Variants in BIRC5 observed in about 807,000 individuals in gnomAD.
BIRC5 encodes the protein baculoviral IAP repeat-containing protein 5.
BIRC5 carries 8 observed loss-of-function variants against 15.8 expected under a neutral mutation model. The observed-to-expected ratio is 0.51, with a 90% CI of 0.30 to 0.91. The LOEUF (loss-of-function observed/expected upper bound fraction) is 0.91, where lower values mean the gene tolerates loss of function less well. Among genes scored for constraint, BIRC5 ranks in the 40% least tolerant of loss-of-function variants. The pLI is 0.07. For synonymous variants in BIRC5, 56 were observed against 64.5 expected (o/e 0.87, Z 0.63); for missense variants, 163 against 178.6 (o/e 0.91, Z 0.50).
At chr17:78,215,095 A>AT in intron 2 of BIRC5, 1 of 284,314 alleles carries the variant, frequency 3.5e-6, no homozygotes, top group South Asian at 3.5e-5. Flanking sequence ...TTTTTTTGAG[A>AT]TTTTTTAAAA....
intron 3 of BIRC5, chr17:78,223,130 C>T (rs993580657): frequency 8.1e-6 from 7 of 867,684 alleles, no homozygotes; most frequent in Non-Finnish European, 1.2e-5. Flanking sequence ...TCGGTTTCCT[C>T]ACCTGTATAG....
At chr17:78,219,706 CAG>C (rs1421067432) in intron 3 of BIRC5, among the ~76,000 whole-genome samples, 1 of 152,202 alleles carries the variant, frequency 6.6e-6, no homozygotes, top group Non-Finnish European at 1.5e-5. Flanking sequence ...CCTCGTGGGT[CAG>C]AGTCTCTGTT....
chr17:78,223,062 G>T, intron 3 of BIRC5: 1 of 1,318,858 alleles, frequency 7.6e-7, no homozygotes, highest in Non-Finnish European at 1.0e-6. Flanking sequence ...GGGGTGCCCA[G>T]ACTAGCTGGG....
chr17:78,216,593 T>G (rs1599028511), intron 2 of BIRC5, 71 bp from the exon 3 acceptor site: 1 of 1,319,194 alleles, frequency 7.6e-7, no homozygotes. Context: ...CGTGGGGAGG[T>G]GGCCCGTGGG....
chr17:78,223,739 C>A lies in BIRC5; in HGVS notation c.*185C>A. ...GAAAGTGGCACCAGAGGTGCTTCTG[C>A]CTGTGCAGCGGGTGCTGCTGGTAAC... On this transcript the variant is annotated 3_prime_UTR_variant, in exon 4 of 4. Coordinates refer to ENST00000350051, the MANE Select transcript of BIRC5 (RefSeq NM_001168.3). 3 of 1,315,134 alleles carry A rather than the reference C, an allele frequency of 2.3e-6. No homozygotes were observed. Among genetic ancestry groups the A allele is most frequent in the Non-Finnish European group, 3.0e-6 (3 of 1,001,248 alleles). 81.5% of individuals were successfully genotyped at this position (1,315,134 alleles called of 1,614,324 possible). A position where few individuals can be genotyped will look rare whatever the true frequency, so the allele number is the denominator to read the frequency against.
At chr17:78,220,042 C>CA (rs2076504495) in intron 3 of BIRC5, among the ~76,000 whole-genome samples, 1 of 152,188 alleles carries the variant, frequency 6.6e-6, no homozygotes, top group African/African-American at 2.4e-5. Context: ...TGCTGGTGGA[C>CA]GCTGCGGGGT....
At position 78,223,669 on chromosome 17, in the gene BIRC5, A is replaced by G. The variant is rs1178792701; in HGVS notation, c.*115A>G. ...TAGCAATGTCTTAGGAAAGGAGATC[A>G]ACATTTTCAAATTAGATGTTTCAAC... On this transcript the variant is annotated 3_prime_UTR_variant, in exon 4 of 4. Transcript: ENST00000350051. 6.5e-7 allele frequency: 1 copy of G among 1,527,994 alleles called. No individual in the cohort carries two copies. Among genetic ancestry groups the G allele is most frequent in the African/African-American group, 1.4e-5 (1 of 71,962 alleles). The allele number at this position is 1,527,994 out of a possible 1,614,324, so 94.7% of individuals were successfully genotyped here.
chr17:78,215,309 C>T (rs938568879), intron 2 of BIRC5, among the ~76,000 whole-genome samples: 1 of 151,936 alleles, frequency 6.6e-6, no homozygotes, highest in Non-Finnish European at 1.5e-5. Context: ...CCCAGCTACT[C>T]GGGAGGCTAA....
intron 3 of BIRC5, among the ~76,000 whole-genome samples, chr17:78,220,243 A>G (rs1052439812): frequency 3.3e-5 from 5 of 152,156 alleles, no homozygotes; most frequent in African/African-American, 9.7e-5. Flanking sequence ...CCTGGCTAAC[A>G]TGGTGAAACC....
At position 78,225,041 on chromosome 17, in the gene BIRC5, A is replaced by G. The variant is rs1599034982; in HGVS notation, c.*1487A>G. ...GCCTCTGTACTCATCTAAGCTGCTT[A>G]TTTTTGATATTTGTGTCAGTCTGTA... is the stretch of plus-strand genomic sequence containing the variant. On this transcript the variant is annotated 3_prime_UTR_variant, in exon 4 of 4. Coordinates refer to ENST00000350051, the MANE Select transcript of BIRC5 (RefSeq NM_001168.3). 6.6e-6 allele frequency: 1 copy of G among 152,198 alleles called. No homozygotes were observed. Among genetic ancestry groups the G allele is most frequent in the East Asian group, 1.9e-4 (1 of 5,202 alleles). The allele number at this position is 152,198 out of a possible 1,614,324, so 9.4% of individuals were successfully genotyped here. A position where few individuals can be genotyped will look rare whatever the true frequency, so the allele number is the denominator to read the frequency against.
At position 78,216,771 on chromosome 17, in the gene BIRC5, A is replaced by G; in HGVS notation, c.329A>G (p.Lys110Arg). Residue 110 changes from lysine to arginine, a missense_variant, in exon 3 of 4, where the codon AAG (lysine) becomes AGG (arginine). Coordinates refer to ENST00000350051, the MANE Select transcript of BIRC5 (RefSeq NM_001168.3). ...EFLKLDRERA[K>R]NKIAKETNNK... ...TTGAAACTGGACAGAGAAAGAGCCA[A>G]GAACAAAATTGTATGTATTGGGAAT... 1 of 1,613,414 alleles carries G rather than the reference A, an allele frequency of 6.2e-7. No homozygotes were observed. The highest frequency in any genetic ancestry group is 1.1e-5 in the South Asian group (1 of 91,060).
intron 2 of BIRC5, 93 bp downstream of exon 2, chr17:78,214,882 C>A (rs1261942058): frequency 8.5e-7 from 1 of 1,169,956 alleles, no homozygotes; most frequent in Admixed American, 2.0e-5. Flanking sequence ...GGGAGGGTTG[C>A]TTTCCACCCT....
intron 3 of BIRC5, among the ~76,000 whole-genome samples, chr17:78,219,061 G>A (rs772952832): frequency 5.3e-5 from 8 of 152,156 alleles, no homozygotes; most frequent in Non-Finnish European, 8.8e-5. Flanking sequence ...TAAGCCAGTC[G>A]TGCTCATGCT....
intron 3 of BIRC5, 118 bp downstream of exon 3, chr17:78,216,899 G>A (rs2076482335): frequency 1.4e-6 from 1 of 717,948 alleles, no homozygotes; most frequent in Non-Finnish European, 2.2e-6. Flanking sequence ...TTTTTTCTGA[G>A]ATAGAGTTTC....
intron 2 of BIRC5, chr17:78,215,024 A>T (rs1364660621): frequency 2.1e-6 from 1 of 473,764 alleles, no homozygotes; most frequent in East Asian, 4.1e-5. Context: ...GATGCCTTTC[A>T]TGTTCAACAG....
chr17:78,225,185 T>C lies in BIRC5; in HGVS notation c.*1631T>C, dbSNP rs898964520. 3.3e-5 allele frequency: 5 copies of C among 149,476 alleles called. No individual in the cohort carries two copies. The highest frequency in any genetic ancestry group is 7.5e-5 in the Non-Finnish European group (5 of 66,958). 9.3% of individuals were successfully genotyped at this position (149,476 alleles called of 1,614,324 possible). ...AGGCGGTGATGTGGATCTCGGCTTC[T>C]GTGAGCCTGTGCTGTGGGCAGGGCT... On this transcript the variant is annotated 3_prime_UTR_variant, in exon 4 of 4. Coordinates refer to ENST00000350051, the MANE Select transcript of BIRC5 (RefSeq NM_001168.3).
Position 78,223,921 on chromosome 17 carries a change from A to G in BIRC5, c.*367A>G, listed in dbSNP as rs1424969797. 7 of 335,584 alleles carry G rather than the reference A, an allele frequency of 2.1e-5. No individual in the cohort carries two copies. Among genetic ancestry groups the G allele is most frequent in the Non-Finnish European group, 3.8e-5 (7 of 183,366 alleles). 20.8% of individuals were successfully genotyped at this position (335,584 alleles called of 1,614,324 possible). On this transcript the variant is annotated 3_prime_UTR_variant, in exon 4 of 4. Coordinates refer to ENST00000350051, the MANE Select transcript of BIRC5 (RefSeq NM_001168.3). ...GCGTGGGCAGAGCCTTCCACAGTGA[A>G]TGTGTCTGGACCTCATGTTGTTGAG... is the stretch of plus-strand genomic sequence containing the variant.
intron 3 of BIRC5, chr17:78,222,723 A>C (rs1178289499): frequency 7.1e-7 from 1 of 1,414,964 alleles, no homozygotes; most frequent in African/African-American, 1.4e-5. Flanking sequence ...TTAACCCAAT[A>C]AAGGTCTTTG....
rs2145901681 is a variant in BIRC5 at position 78,223,462 on chromosome 17, C to T, written c.340-3C>T. The T allele has an allele frequency of 6.3e-7, 1 of 1,590,418 alleles. No individual in the cohort carries two copies. Among genetic ancestry groups the T allele is most frequent in the African/African-American group, 1.4e-5 (1 of 74,024 alleles). On this transcript the variant is annotated splice_polypyrimidine_tract_variant and splice_region_variant and intron_variant, in intron 3 of 3. Transcript: ENST00000350051. ...GTGTCATGTGTCTATTCTTTATTTC[C>T]AGGCAAAGGAAACCAACAATAAGAA...
Sources: gnomAD v4.1 joint callset for allele counts (sites outside exome capture counted in the v4.1 genomes callset) on GRCh38, gnomAD v4.1.1 for gene constraint, MANE v1.5 for transcripts, NCBI Gene and HGNC (gene_info 2026-07-23, HGNC 2026-07-21) for gene names.